The following LRP1B variants were observed in gnomAD, a reference collection of about 807,000 sequenced individuals.
The protein encoded by LRP1B is low-density lipoprotein receptor-related protein 1B.
In LRP1B, 217 loss-of-function variants were observed where a neutral mutation model predicts 556.6. That is an observed-to-expected ratio of 0.39 (90% CI 0.35 to 0.44). The LOEUF (loss-of-function observed/expected upper bound fraction) is 0.44, where lower values mean the gene tolerates loss of function less well. Among genes scored for constraint, LRP1B ranks in the 20% least tolerant of loss-of-function variants. LRP1B has a pLI of 1.00. For missense variants in LRP1B, 5,053 were observed against 5,620.8 expected, an observed-to-expected ratio of 0.90 and a Z score of 3.23; for synonymous variants, 2,047 against 1,865.8, an observed-to-expected ratio of 1.10 and a Z score of -2.50.
intron 3 of LRP1B, among the ~76,000 whole-genome samples, chr2:141,454,873 C>T (rs1681571011): frequency 6.6e-6 from 1 of 152,202 alleles, no homozygotes; most frequent in Non-Finnish European, 1.5e-5. Flanking sequence ...CTTATCATTA[C>T]TGAGGAATAC....
chr2:140,537,577 G>A (rs935703200), intron 45 of LRP1B, among the ~76,000 whole-genome samples: 6 of 152,062 alleles, frequency 3.9e-5, no homozygotes, highest in African/African-American at 1.4e-4. Context: ...TACATGATGA[G>A]CACCTACTCC....
At chr2:141,300,226 T>G (rs1024917119) in intron 3 of LRP1B, among the ~76,000 whole-genome samples, 1 of 152,198 alleles carries the variant, frequency 6.6e-6, no homozygotes, top group East Asian at 1.9e-4. Flanking sequence ...TATGGTACTC[T>G]GTGATATCAG....
At chr2:141,872,715 G>C (rs1698628440) in intron 1 of LRP1B, among the ~76,000 whole-genome samples, 1 of 151,702 alleles carries the variant, frequency 6.6e-6, no homozygotes, top group South Asian at 2.1e-4. Flanking sequence ...AAAAAAATCT[G>C]TGCTACTTGG....
At chr2:141,222,032 G>T (rs1048797604) in intron 6 of LRP1B, among the ~76,000 whole-genome samples, 18 of 152,192 alleles carry the variant, frequency 1.2e-4, no homozygotes, top group African/African-American at 4.3e-4. Flanking sequence ...GGAATCAAGA[G>T]CAAACAAACC....
chr2:141,209,358 T>C (rs1682444827), intron 6 of LRP1B, among the ~76,000 whole-genome samples: 3 of 152,124 alleles, frequency 2.0e-5, no homozygotes, highest in Admixed American at 1.3e-4. Flanking sequence ...GCTGCTAACA[T>C]GTGAAGAAAG....
chr2:140,436,532 G>A (rs13003817), intron 66 of LRP1B, among the ~76,000 whole-genome samples: 48,157 of 151,362 alleles, frequency 0.32, 8,117 homozygotes, highest in African/African-American at 0.35. Flanking sequence ...AAATAAGTAT[G>A]GAATGCCGAG....
chr2:141,862,113 T>C (rs1350401504), intron 1 of LRP1B, among the ~76,000 whole-genome samples: 2 of 152,176 alleles, frequency 1.3e-5, no homozygotes, highest in East Asian at 1.9e-4. Flanking sequence ...CCTTTTATAA[T>C]GACTCTAATT....
At chr2:140,456,249 C>T (rs941632858) in intron 62 of LRP1B, among the ~76,000 whole-genome samples, 3 of 152,070 alleles carry the variant, frequency 2.0e-5, no homozygotes, top group African/African-American at 7.2e-5. Context: ...TTCTTTCTCT[C>T]TCTTTTTTTG....
chr2:142,111,032 C>A (rs1343697032), intron 1 of LRP1B, among the ~76,000 whole-genome samples: 1 of 152,110 alleles, frequency 6.6e-6, no homozygotes, highest in Non-Finnish European at 1.5e-5. Flanking sequence ...TATGTAGTTC[C>A]TTTGTGCAGT....
intron 25 of LRP1B, among the ~76,000 whole-genome samples, chr2:140,876,538 G>A (rs1693310316): frequency 6.6e-6 from 1 of 152,112 alleles, no homozygotes; most frequent in Non-Finnish European, 1.5e-5. Flanking sequence ...GTCAATAAAA[G>A]CCCCTTGCAA....
intron 2 of LRP1B, among the ~76,000 whole-genome samples, chr2:141,535,437 CA>C (rs149780517): frequency 1.6e-3 from 248 of 151,740 alleles, no homozygotes; most frequent in African/African-American, 5.3e-3. Flanking sequence ...GTTGTGTAAA[CA>C]TGTTAGAGCT....
Position 141,478,956 on chromosome 2 carries a change from G to C in LRP1B, c.343+1440C>G, listed in dbSNP as rs565643156. Among the ~76,000 whole-genome samples the C allele has an allele frequency of 2.0e-5, 3 of 152,158 alleles. No homozygotes were observed. In the East Asian group the frequency reaches 5.8e-4, roughly 29 times the overall value. ...TATTATTACATATGTATTCATACCT[G>C]CAACTATGAATCTGCTGATTTTTTA... On this transcript the variant is annotated intron_variant, in intron 3 of 90. Transcript: ENST00000389484.
chr2:140,279,099 TTC>T (rs1387039573), intron 84 of LRP1B, among the ~76,000 whole-genome samples: 2 of 151,918 alleles, frequency 1.3e-5, no homozygotes, highest in African/African-American at 4.8e-5. Flanking sequence ...CTCTCTCTCT[TTC>T]TCTCTTTCTT....
intron 41 of LRP1B, among the ~76,000 whole-genome samples, chr2:140,646,009 A>T (rs1684470566): frequency 6.6e-6 from 1 of 152,090 alleles, no homozygotes; most frequent in South Asian, 2.1e-4. Context: ...TAAATTTTAG[A>T]GTTTAGATAG....
At chr2:140,823,662 C>A (rs183686245) in intron 31 of LRP1B, among the ~76,000 whole-genome samples, 347 of 151,628 alleles carry the variant, frequency 2.3e-3, no homozygotes, top group African/African-American at 7.9e-3. Flanking sequence ...TCAAGTGTTT[C>A]CTTATGAAAC....
intron 2 of LRP1B, among the ~76,000 whole-genome samples, chr2:141,640,949 T>G (rs762053310): frequency 3.3e-5 from 5 of 152,182 alleles, no homozygotes; most frequent in African/African-American, 4.8e-5. Context: ...TGATTTGTCT[T>G]TGTATCCTTG....
chr2:140,502,638 G>C (rs1689248036), intron 54 of LRP1B, among the ~76,000 whole-genome samples: 1 of 151,840 alleles, frequency 6.6e-6, no homozygotes, highest in South Asian at 2.1e-4. Context: ...TTTTGCATTT[G>C]AATTTTCAAA....
At chr2:141,375,430 G>A (rs1425389850) in intron 3 of LRP1B, among the ~76,000 whole-genome samples, 1 of 152,112 alleles carries the variant, frequency 6.6e-6, no homozygotes, top group Non-Finnish European at 1.5e-5. Context: ...AAGTCCCTGA[G>A]CAGCTAGTGT....
intron 3 of LRP1B, among the ~76,000 whole-genome samples, chr2:141,371,856 A>AT (rs34091423): frequency 0.068 from 10,349 of 151,478 alleles, 469 homozygotes; most frequent in African/African-American, 0.12. Context: ...TGATATTTTT[A>AT]TTTTTTTTCT....
Sources: allele counts gnomAD v4.1 joint callset (sites outside exome capture counted in the v4.1 genomes callset), GRCh38; gene constraint gnomAD v4.1.1; transcripts MANE v1.5; gene names NCBI Gene and HGNC (gene_info 2026-07-23, HGNC 2026-07-21).